The following MPG variants were observed in gnomAD, a reference collection of about 807,000 sequenced individuals.
The protein encoded by MPG is DNA-3-methyladenine glycosylase.
MPG carries 33 observed loss-of-function variants against 31.7 expected under a neutral mutation model. That is an observed-to-expected ratio of 1.04 (90% CI 0.79 to 1.39). The LOEUF is 1.39. Ranked by LOEUF, MPG falls within the 40% of genes most tolerant of loss-of-function variation. MPG has a pLI of 0.00. For missense variants in MPG, 455 were observed against 415.5 expected, an observed-to-expected ratio of 1.10 and a Z score of -0.83; for synonymous variants, 202 against 169.2, an observed-to-expected ratio of 1.19 and a Z score of -1.51.
intron 3 of MPG, 159 bp downstream of exon 3, chr16:83,415 G>C (rs114798083): frequency 8.1e-6 from 6 of 741,224 alleles, no homozygotes; most frequent in South Asian, 1.7e-5. Flanking sequence ...CTACGCTGAC[G>C]GGGCAGGGCT....
In MPG at chr16:79,904, C is replaced by T. The variant is rs2541634; in HGVS notation, c.300+204C>T. ...GGGAAGAATGTAGAGATTGTCAGTG[C>T]TGCTTGCCCAGGGTGGAGCAGGGGT... On this transcript the variant is annotated intron_variant, in intron 2 of 3. Transcript: ENST00000356432. 9.7e-3 allele frequency: 6,381 copies of T among 661,172 alleles called. 231 individuals are homozygous for T. Among genetic ancestry groups the T allele is most frequent in the African/African-American group, 0.089 (4,902 of 54,954 alleles). 41.0% of individuals were successfully genotyped at this position (661,172 alleles called of 1,614,324 possible). A position where few individuals can be genotyped will look rare whatever the true frequency, so the allele number is the denominator to read the frequency against.
chr16:85,517 G>C lies in MPG; in HGVS notation c.622G>C (p.Glu208Gln). 1 of 1,613,374 alleles carries C rather than the reference G, an allele frequency of 6.2e-7. No homozygotes were observed. The highest frequency in any genetic ancestry group is 1.7e-5 in the Admixed American group (1 of 60,030). ...CGCCAGCCGTGTCCTCAAGGACCGC[G>C]AGCTCTGCAGTGGCCCCTCCAAGCT... ...GTASRVLKDR[E>Q]LCSGPSKLCQ... The change falls in exon 4 of 4, where the codon GAG becomes CAG. Residue 208 changes from glutamate to glutamine, a missense_variant. Glu to Gln is a conservative substitution (Grantham distance 29). Coordinates refer to ENST00000356432, the MANE Select transcript of MPG (RefSeq NM_001015052.3).
At chr16:78,811 G>A (rs1190516033) in intron 1 of MPG, among the ~76,000 whole-genome samples, 1 of 152,216 alleles carries the variant, frequency 6.6e-6, no homozygotes, top group Non-Finnish European at 1.5e-5. Flanking sequence ...AGAGGTGGGA[G>A]GCTGGCGGCC....
chr16:85,299 G>A, intron 3 of MPG, 102 bp from the exon 4 acceptor site: 1 of 1,394,850 alleles, frequency 7.2e-7, no homozygotes, highest in Non-Finnish European at 9.6e-7. Context: ...CAGGCAGGAA[G>A]GCAGCTGCAC....
intron 2 of MPG, among the ~76,000 whole-genome samples, chr16:82,411 C>T (rs1187784109): frequency 2.0e-5 from 3 of 152,170 alleles, no homozygotes; most frequent in African/African-American, 7.2e-5. Flanking sequence ...TGTGGTTGGT[C>T]CCCAGTGCTC....
chr16:83,096 C>T lies in MPG; in HGVS notation c.345C>T (p.Arg115=). 6.2e-7 allele frequency: 1 copy of T among 1,612,124 alleles called. No homozygotes were observed. Among genetic ancestry groups the T allele is most frequent in the Non-Finnish European group, 8.5e-7 (1 of 1,179,254 alleles). The change falls in exon 3 of 4, where the codon CGC becomes CGT. Residue 115 remains arginine (R), a synonymous_variant. Coordinates refer to ENST00000356432, the MANE Select transcript of MPG (RefSeq NM_001015052.3). ...CTAATGGCACAGAACTCCGAGGCCG[C>T]ATCGTGGAGACCGAGGCATACCTGG... The part of the protein sequence containing the change: ...RLPNGTELRG[R]IVETEAYLGP...
At chr16:77,748 G>T (rs115171114), upstream of MPG, among the ~76,000 whole-genome samples, 1 of 152,138 alleles carries the variant, frequency 6.6e-6, no homozygotes, top group African/African-American at 2.4e-5. Flanking sequence ...AGGACTCCCC[G>T]GCCCACTCCG....
intron 2 of MPG, among the ~76,000 whole-genome samples, chr16:80,875 G>C (rs765811274): frequency 6.6e-6 from 1 of 152,188 alleles, no homozygotes; most frequent in Non-Finnish European, 1.5e-5. Context: ...CAGGTGCGTC[G>C]TAGGAACAGG....
chr16:84,917 G>A (rs989997185), intron 3 of MPG, among the ~76,000 whole-genome samples: 12 of 152,178 alleles, frequency 7.9e-5, no homozygotes, highest in African/African-American at 2.2e-4. Context: ...GAAGGGGAGC[G>A]CTGGGGCCTG....
At chr16:80,270 T>C (rs942360316) in intron 2 of MPG, among the ~76,000 whole-genome samples, 4 of 152,118 alleles carry the variant, frequency 2.6e-5, no homozygotes, top group African/African-American at 9.7e-5. Flanking sequence ...GGGAGCGAGG[T>C]GGTGGCGGTG....
chr16:83,357 G>T (rs1313373955), intron 3 of MPG, 101 bp downstream of exon 3: 3 of 1,191,656 alleles, frequency 2.5e-6, no homozygotes, highest in African/African-American at 1.5e-5. Flanking sequence ...CAGCATTTGA[G>T]CGAGGAGGTG....
chr16:80,296 G>A (rs1170127255), intron 2 of MPG, among the ~76,000 whole-genome samples: 3 of 152,196 alleles, frequency 2.0e-5, no homozygotes, highest in Non-Finnish European at 2.9e-5. Context: ...CGATGCCAAA[G>A]CCCCAGGCCT....
At chr16:78,999 T>G in intron 1 of MPG, 2 of 1,377,326 alleles carry the variant, frequency 1.5e-6, no homozygotes, top group Non-Finnish European at 1.9e-6. Flanking sequence ...GATCCTGTGT[T>G]TTGAATTCTG....
upstream of MPG, chr16:77,999 G>T: frequency 4.0e-6 from 1 of 249,720 alleles, no homozygotes; most frequent in Non-Finnish European, 7.7e-6. Context: ...GAGGGGCGCC[G>T]GGGCACAGTG....
chr16:81,385 G>T (rs374295937), intron 2 of MPG, among the ~76,000 whole-genome samples: 52 of 152,306 alleles, frequency 3.4e-4, no homozygotes, highest in African/African-American at 1.1e-3. Context: ...GGCCCCCCCA[G>T]TGTGCCCCCA....
chr16:78,006 A>T, upstream of MPG: 1 of 242,232 alleles, frequency 4.1e-6, no homozygotes, highest in Non-Finnish European at 7.9e-6. Context: ...GCCGGGGCAC[A>T]GTGCGGGGCT....
rs142373562 is a variant in MPG, at chr16:85,515, G to A, written c.620G>A (p.Arg207His). ...ACCGCCAGCCGTGTCCTCAAGGACC[G>A]CGAGCTCTGCAGTGGCCCCTCCAAG... Reference protein sequence around the residue: ...KGTASRVLKDRELCSGPSKLC... With the variant: ...KGTASRVLKDHELCSGPSKLC... Residue 207 changes from arginine (R) to histidine (H), a missense_variant, in exon 4 of 4, where the codon CGC becomes CAC. Transcript: ENST00000356432. 3.3e-5 allele frequency: 53 copies of A among 1,613,374 alleles called. No individual in the cohort carries two copies. The African/African-American group carries it at 5.1e-4, about 15-fold the overall frequency.
intron 2 of MPG, among the ~76,000 whole-genome samples, chr16:80,445 T>G (rs3176400): frequency 6.6e-6 from 1 of 152,160 alleles, no homozygotes; most frequent in African/African-American, 2.4e-5. Context: ...GACCCTAGAA[T>G]GTGGGCTCGA....
chr16:78,175 C>T (rs887479736), upstream of MPG: 5 of 729,822 alleles, frequency 6.9e-6, no homozygotes, highest in East Asian at 8.5e-5. Context: ...CGCTCACTGC[C>T]CCCCTTCTCC....
Sources: gnomAD v4.1 joint callset for allele counts (sites outside exome capture counted in the v4.1 genomes callset) on GRCh38, gnomAD v4.1.1 for gene constraint, MANE v1.5 for transcripts, NCBI Gene and HGNC (gene_info 2026-07-23, HGNC 2026-07-21) for gene names.